SLC6A6: variants seen among roughly 807,000 people sequenced by gnomAD.
The protein encoded by SLC6A6 is sodium- and chloride-dependent taurine transporter.
A neutral mutation model predicts 68.8 loss-of-function variants in SLC6A6; 16 were observed. That is an observed-to-expected ratio of 0.23 (90% CI 0.16 to 0.35). SLC6A6 has a LOEUF of 0.35. Ranked by LOEUF, SLC6A6 falls within the 10% of genes least tolerant of loss-of-function variation. The probability of loss-of-function intolerance (pLI) is 1.00; values close to 1 mark genes in which losing one functional copy is unlikely to be tolerated. For missense variants in SLC6A6, 474 were observed against 802.8 expected (o/e 0.59, Z 4.95); for synonymous variants, 312 against 315.4 (o/e 0.99, Z 0.12).
chr3:14,431,476 C>T (rs996305429), intron 2 of SLC6A6, among the ~76,000 whole-genome samples: 1 of 152,156 alleles, frequency 6.6e-6, no homozygotes, highest in Non-Finnish European at 1.5e-5. Flanking sequence ...GCTGTCCCAT[C>T]GAGGCTGTGA....
chr3:14,484,280 C>G (rs1356592061), intron 14 of SLC6A6, among the ~76,000 whole-genome samples: 1 of 152,198 alleles, frequency 6.6e-6, no homozygotes, highest in Non-Finnish European at 1.5e-5. Context: ...GGAAGGGCAG[C>G]TCAAATGCGA....
chr3:14,418,438 C>T (rs76109754), intron 2 of SLC6A6, among the ~76,000 whole-genome samples: 1 of 152,198 alleles, frequency 6.6e-6, no homozygotes, highest in Non-Finnish European at 1.5e-5. Context: ...CAAGCAGCCC[C>T]ACCCCATGGA....
At chr3:14,416,345 G>T (rs1302077458) in intron 1 of SLC6A6, 67 bp from the exon 2 acceptor site, 9 of 398,496 alleles carry the variant, frequency 2.3e-5, no homozygotes, top group Non-Finnish European at 3.5e-5. Flanking sequence ...ACAATTAGGG[G>T]CCCTGTGCAC....
intron 5 of SLC6A6, among the ~76,000 whole-genome samples, chr3:14,451,489 G>A (rs1310705753): frequency 1.3e-5 from 2 of 152,232 alleles, no homozygotes; most frequent in East Asian, 3.8e-4. Context: ...GGATGCACGG[G>A]TGAGGGCCAG....
In SLC6A6 at chr3:14,472,155, T is replaced by G. The variant is rs377659535; in HGVS notation, c.1097-50T>G. 30 of 1,130,504 alleles carry G rather than the reference T, an allele frequency of 2.7e-5. No homozygotes were observed. Among genetic ancestry groups the G allele is most frequent in the Middle Eastern group, 1.9e-4 (1 of 5,216 alleles). The allele number at this position is 1,130,504 out of a possible 1,614,324, so 70.0% of individuals were successfully genotyped here. ...GAGCCCAGGGTTCCCAGTGGCTTGG[T>G]GGCTGATGTCTCCTCCCCTGTGCCC... On this transcript the variant is annotated intron_variant, in intron 9 of 14. Transcript: ENST00000622186. This position sits in a 1 kb window ranked among gnomAD's most constrained non-coding sequence, Gnocchi z 4.5.
chr3:14,458,153 C>T lies in SLC6A6; in HGVS notation c.732+71C>T, dbSNP rs567636146. On this transcript the variant is annotated intron_variant, in intron 6 of 14. Transcript: ENST00000622186. ...CAGGCTGGCCCTCTCCCCCACTTCC[C>T]GCCTGCAATTAGCCACGCCCCAAGA... 1.7e-3 allele frequency: 2,396 copies of T among 1,423,374 alleles called. 47 individuals carry two copies. The South Asian group carries it at 0.025, about 15-fold the overall frequency. 88.2% of individuals were successfully genotyped at this position (1,423,374 alleles called of 1,614,324 possible). A position where few individuals can be genotyped will look rare whatever the true frequency, so the allele number is the denominator to read the frequency against.
At chr3:14,436,379 CTT>C (rs1699851740) in intron 2 of SLC6A6, among the ~76,000 whole-genome samples, 1 of 151,718 alleles carries the variant, frequency 6.6e-6, no homozygotes, top group Non-Finnish European at 1.5e-5. Flanking sequence ...TTTTTTTTAA[CTT>C]TTTGTACAGA....
rs1042367116 is a variant in SLC6A6, at chr3:14,450,294, G to C, written c.599+2478G>C. Among the ~76,000 whole-genome samples, 1 of 152,090 alleles carries C rather than the reference G, an allele frequency of 6.6e-6. No individual in the cohort carries two copies. Among genetic ancestry groups the C allele is most frequent in the South Asian group, 2.1e-4 (1 of 4,822 alleles). The stretch of plus-strand genomic sequence containing the variant: ...ACCTTCCAGAGGGACCGGGCCCTCG[G>C]GGGTATTCTGGGACCCTTGCCTTCC... On this transcript the variant is annotated intron_variant, in intron 5 of 14. Transcript: ENST00000622186. This position sits in a 1 kb window ranked among gnomAD's most constrained non-coding sequence, Gnocchi z 4.1.
chr3:14,442,131 G>A (rs556478473), intron 2 of SLC6A6, among the ~76,000 whole-genome samples: 65 of 152,356 alleles, frequency 4.3e-4, no homozygotes, highest in Non-Finnish European at 6.9e-4. Context: ...CACGTGACAA[G>A]GTGGTCACAT....
chr3:14,444,716 C>G (rs1427651702), intron 3 of SLC6A6: 7 of 456,490 alleles, frequency 1.5e-5, no homozygotes, highest in Non-Finnish European at 2.6e-5. Context: ...CCCTTAGAGC[C>G]TGGTTTCTTA....
rs932392534 is a variant in SLC6A6, at chr3:14,406,366, T to C, written c.-54+3519T>C. Among the ~76,000 whole-genome samples, 5 of 151,900 alleles carry C rather than the reference T, an allele frequency of 3.3e-5. No individual in the cohort carries two copies. In the East Asian group the frequency reaches 9.7e-4, roughly 29 times the overall value. On this transcript the variant is annotated intron_variant, in intron 1 of 14. Transcript: ENST00000622186. ...GGCTTTCTCCTGATGGCAGCAGGAG[T>C]CATACTGGGTTTAAGGATAGTGGGG...
chr3:14,479,859 C>T (rs899210704), intron 13 of SLC6A6, among the ~76,000 whole-genome samples: 1 of 152,194 alleles, frequency 6.6e-6, no homozygotes, highest in Admixed American at 6.5e-5. Context: ...GCAAAGCCGT[C>T]AGGGTTTGCA....
chr3:14,432,073 G>T (rs562027976), intron 2 of SLC6A6, among the ~76,000 whole-genome samples: 1 of 152,164 alleles, frequency 6.6e-6, no homozygotes, highest in Non-Finnish European at 1.5e-5. Flanking sequence ...GGGCTGGCCC[G>T]GCTCCTGCAC....
intron 2 of SLC6A6, among the ~76,000 whole-genome samples, chr3:14,419,064 G>C (rs1699429555): frequency 6.6e-6 from 1 of 152,236 alleles, no homozygotes; most frequent in Non-Finnish European, 1.5e-5. Context: ...AAGGGGCCCT[G>C]CCTGGGATGG....
At chr3:14,427,166 G>A (rs1313038236) in intron 2 of SLC6A6, among the ~76,000 whole-genome samples, 1 of 152,166 alleles carries the variant, frequency 6.6e-6, no homozygotes, top group African/African-American at 2.4e-5. Flanking sequence ...AGACCTAAGA[G>A]CCAACCACAA....
chr3:14,441,419 CG>C (rs1699983104), intron 2 of SLC6A6, among the ~76,000 whole-genome samples: 1 of 152,112 alleles, frequency 6.6e-6, no homozygotes, highest in South Asian at 2.1e-4. Context: ...ATTGGCCTGT[CG>C]AATCCCGCGC....
intron 1 of SLC6A6, among the ~76,000 whole-genome samples, chr3:14,409,602 G>A (rs1164088116): frequency 1.3e-5 from 2 of 152,212 alleles, no homozygotes; most frequent in Non-Finnish European, 2.9e-5. Flanking sequence ...CACAGGGCCA[G>A]GGCCAAGAGG....
At chr3:14,434,246 A>G (rs1293007704) in intron 2 of SLC6A6, among the ~76,000 whole-genome samples, 2 of 152,130 alleles carry the variant, frequency 1.3e-5, no homozygotes, top group Non-Finnish European at 2.9e-5. Flanking sequence ...TCTTTCCATC[A>G]TCCGGGCTGG....
In SLC6A6 at chr3:14,487,870, G is replaced by A. The variant is rs1310268944; in HGVS notation, c.*2863G>A. On this transcript the variant is annotated 3_prime_UTR_variant, in exon 15 of 15. Coordinates refer to ENST00000622186, the MANE Select transcript of SLC6A6 (RefSeq NM_003043.6). ...GGCTACATCCAGCAACATCCTCAAGGTCTTCCTGACAACCAAAGACAAGCC... is the reference window on the plus strand; with the variant it reads ...GGCTACATCCAGCAACATCCTCAAGATCTTCCTGACAACCAAAGACAAGCC... 1.3e-5 allele frequency: 2 copies of A among 152,606 alleles called. No individual in the cohort carries two copies. Among genetic ancestry groups the A allele is most frequent in the African/African-American group, 4.8e-5 (2 of 41,562 alleles). 9.5% of individuals were successfully genotyped at this position (152,606 alleles called of 1,614,324 possible). A position where few individuals can be genotyped will look rare whatever the true frequency, so the allele number is the denominator to read the frequency against.
Sources: allele counts gnomAD v4.1 joint callset (sites outside exome capture counted in the v4.1 genomes callset), GRCh38; gene constraint gnomAD v4.1.1; non-coding constraint Gnocchi (gnomAD v3.1); transcripts MANE v1.5; gene names NCBI Gene and HGNC (gene_info 2026-07-23, HGNC 2026-07-21).